Variants in ANKIB1 observed in about 807,000 individuals in gnomAD.
ANKIB1 encodes ankyrin repeat and IBR domain-containing protein 1.
In ANKIB1, 43 loss-of-function variants were observed where a neutral mutation model predicts 122.1. The ratio of observed to expected loss-of-function variants is 0.35; its 90% CI spans 0.28 to 0.45. The LOEUF is 0.45. ANKIB1 is among the 20% of genes least tolerant of loss of function. ANKIB1 has a pLI of 1.00. For missense variants in ANKIB1, 992 were observed against 1,329.5 expected (o/e 0.75, Z 3.95); for synonymous variants, 390 against 442.0 (o/e 0.88, Z 1.48).
chr7:92,374,171 A>G (rs1171544869), intron 11 of ANKIB1, among the ~76,000 whole-genome samples: 1 of 152,184 alleles, frequency 6.6e-6, no homozygotes, highest in African/African-American at 2.4e-5. Context: ...TTCTCCGATC[A>G]TAAGGGAGTA....
chr7:92,377,783 A>C (rs1483204752), intron 11 of ANKIB1, among the ~76,000 whole-genome samples: 2 of 152,126 alleles, frequency 1.3e-5, no homozygotes, highest in Non-Finnish European at 2.9e-5. Flanking sequence ...GAGTATCCCC[A>C]AAAAAACCCA....
intron 3 of ANKIB1, among the ~76,000 whole-genome samples, chr7:92,309,117 T>C (rs1412632901): frequency 6.6e-6 from 1 of 152,238 alleles, no homozygotes; most frequent in Non-Finnish European, 1.5e-5. Flanking sequence ...TTATCTTTTG[T>C]TTACTGCTAA....
At chr7:92,372,304 C>T (rs1475318715) in intron 11 of ANKIB1, among the ~76,000 whole-genome samples, 3 of 151,970 alleles carry the variant, frequency 2.0e-5, no homozygotes, top group Non-Finnish European at 4.4e-5. Context: ...ATTTACATAG[C>T]ATGTACATTG....
At chr7:92,326,624 A>C (rs928948961) in intron 4 of ANKIB1, among the ~76,000 whole-genome samples, 1 of 152,186 alleles carries the variant, frequency 6.6e-6, no homozygotes, top group Non-Finnish European at 1.5e-5. Context: ...GAGTAGTACT[A>C]ATTTAACCAT....
In ANKIB1 at chr7:92,398,337, T is replaced by A; in HGVS notation, c.2658T>A (p.Gly886=). ...RDFLSNEASL[G]AIGTSLPSRL... Reference sequence around the variant, plus strand: ...TCCTCAGTAATGAAGCATCCTTAGGTGCGATAGGCACTTCTTTACCTTCCA... The same window carrying A: ...TCCTCAGTAATGAAGCATCCTTAGGAGCGATAGGCACTTCTTTACCTTCCA... Residue 886 remains glycine, a synonymous_variant, in exon 20 of 20, where the codon GGT becomes GGA. Transcript: ENST00000265742. The A allele has an allele frequency of 1.9e-6, 3 of 1,613,566 alleles. No homozygotes were observed. Among genetic ancestry groups the A allele is most frequent in the Non-Finnish European group, 2.5e-6 (3 of 1,179,722 alleles).
chr7:92,326,780 G>A (rs982517650), intron 4 of ANKIB1, among the ~76,000 whole-genome samples: 4 of 151,796 alleles, frequency 2.6e-5, no homozygotes, highest in African/African-American at 9.7e-5. Context: ...TAGTATTCCT[G>A]TATAGAAAAG....
At chr7:92,397,638 C>G in intron 18 of ANKIB1, 85 bp from the exon 19 acceptor site, 1 of 1,473,468 alleles carries the variant, frequency 6.8e-7, no homozygotes, top group South Asian at 1.2e-5. Context: ...GAGAAATTGC[C>G]CATCTAAACA....
At position 92,257,207 on chromosome 7, in the gene ANKIB1, A is replaced by AG. The variant is rs1042175428; in HGVS notation, c.-91+10689dup. ...GTCTCGAAAAGAAAAAAAAAAAGAGAGAAAAAAAGAAAAAAAAGAAAAGAA... is the reference window on the plus strand; with the variant it reads ...GTCTCGAAAAGAAAAAAAAAAAGAGAGGAAAAAAAGAAAAAAAAGAAAAGAA... On this transcript the variant is annotated intron_variant, in intron 1 of 19. Transcript: ENST00000265742. Among the ~76,000 whole-genome samples the AG allele has an allele frequency of 2.0e-4, 31 of 151,862 alleles. 1 individual carries two copies. Among genetic ancestry groups the AG allele is most frequent in the Non-Finnish European group, 2.5e-4 (17 of 67,934 alleles).
At chr7:92,286,732 T>C (rs1359672595) in intron 1 of ANKIB1, among the ~76,000 whole-genome samples, 3 of 152,212 alleles carry the variant, frequency 2.0e-5, no homozygotes, top group African/African-American at 7.2e-5. Context: ...TGCCTCAGCC[T>C]CCCAAAGTGC....
intron 1 of ANKIB1, among the ~76,000 whole-genome samples, chr7:92,260,295 T>A (rs1359626258): frequency 6.6e-6 from 1 of 152,236 alleles, no homozygotes; most frequent in Non-Finnish European, 1.5e-5. Context: ...GGTATGCTCC[T>A]ATGCATGCAC....
chr7:92,372,548 C>T (rs988643205), intron 11 of ANKIB1, among the ~76,000 whole-genome samples: 1 of 152,016 alleles, frequency 6.6e-6, no homozygotes, highest in Non-Finnish European at 1.5e-5. Flanking sequence ...CTAATAAAAC[C>T]TTCAATTAAA....
intron 3 of ANKIB1, among the ~76,000 whole-genome samples, chr7:92,316,476 A>G (rs1404554805): frequency 6.6e-6 from 1 of 152,224 alleles, no homozygotes; most frequent in Non-Finnish European, 1.5e-5. Flanking sequence ...CAAAGATAAC[A>G]TGCAGGTGGA....
intron 2 of ANKIB1, among the ~76,000 whole-genome samples, chr7:92,307,113 C>T (rs899674564): frequency 6.6e-6 from 1 of 151,972 alleles, no homozygotes; most frequent in African/African-American, 2.4e-5. Flanking sequence ...CTTCCTTTCC[C>T]TCCCTTTTAA....
At chr7:92,366,579 G>A (rs1804088697) in intron 10 of ANKIB1, among the ~76,000 whole-genome samples, 1 of 152,112 alleles carries the variant, frequency 6.6e-6, no homozygotes, top group African/African-American at 2.4e-5. Flanking sequence ...ACAAATCTCA[G>A]GTGTCTTCAG....
chr7:92,343,023 GA>G lies in ANKIB1; in HGVS notation c.788del (p.Asp263AlafsTer66). 6.2e-7 allele frequency: 1 copy of G among 1,613,344 alleles called. No homozygotes were observed. Among genetic ancestry groups the G allele is most frequent in the Non-Finnish European group, 8.5e-7 (1 of 1,179,660 alleles). On this transcript the variant is annotated frameshift_variant and splice_region_variant, in exon 6 of 20. Coordinates refer to ENST00000265742, the MANE Select transcript of ANKIB1 (RefSeq NM_019004.2). LOFTEE classifies it high-confidence loss of function. ...AGCTATCCATTCCATTTTTCTTTAA[GA>G]CTGGGACAGGGAGAAATTACTTGAA... ...FTAEALLRAHDWDREKLLEAW... is the reference protein window; with the variant it reads ...FTAEALLRAHXWDREKLLEAW...
intron 1 of ANKIB1, among the ~76,000 whole-genome samples, chr7:92,287,435 T>C (rs1802153503): frequency 6.6e-6 from 1 of 152,240 alleles, no homozygotes; most frequent in African/African-American, 2.4e-5. Context: ...TATTTTCTCA[T>C]ATTATGTTGA....
chr7:92,307,259 A>G, intron 2 of ANKIB1, 100 bp from the exon 3 acceptor site: 3 of 1,207,470 alleles, frequency 2.5e-6, no homozygotes, highest in Non-Finnish European at 3.4e-6. Context: ...TTATCAGCTT[A>G]GAAGTAGAGT....
intron 1 of ANKIB1, among the ~76,000 whole-genome samples, chr7:92,266,730 G>A (rs1299349077): frequency 6.6e-6 from 1 of 152,146 alleles, no homozygotes; most frequent in Non-Finnish European, 1.5e-5. Context: ...ATGCTTAGAA[G>A]CCATCCCCCA....
At chr7:92,355,848 CATAAT>C (rs1466703475) in intron 9 of ANKIB1, among the ~76,000 whole-genome samples, 1 of 143,384 alleles carries the variant, frequency 7.0e-6, no homozygotes, top group Non-Finnish European at 1.5e-5. Flanking sequence ...GACTCCGTCT[CATAAT>C]AATAATAATA....
Sources: gnomAD v4.1 joint callset for allele counts (sites outside exome capture counted in the v4.1 genomes callset) on GRCh38, gnomAD v4.1.1 for gene constraint, MANE v1.5 for transcripts, NCBI Gene and HGNC (gene_info 2026-07-23, HGNC 2026-07-21) for gene names.